The following TLDC2 variants were observed in gnomAD, a reference collection of about 807,000 sequenced individuals.
TLDC2 encodes TLD domain-containing protein 2.
A neutral mutation model predicts 27.9 loss-of-function variants in TLDC2; 23 were observed. That is an observed-to-expected ratio of 0.82 (90% CI 0.59 to 1.17). The LOEUF is 1.17. TLDC2 is among the 50% of genes most tolerant of loss of function. The pLI is 0.00. For missense variants in TLDC2, 286 were observed against 273.4 expected, an observed-to-expected ratio of 1.05 and a Z score of -0.32; for synonymous variants, 124 against 107.4, an observed-to-expected ratio of 1.16 and a Z score of -0.96.
chr20:36,880,777 G>T lies in TLDC2; in HGVS notation c.438+27G>T, dbSNP rs771659359. On this transcript the variant is annotated intron_variant, in intron 4 of 6. Transcript: ENST00000217320. ...TGATGTTCCCAACCTTCCATGGGGGGAGTGGGGCGTGTGGCGAGACAAAGC... is the reference window on the plus strand; with the variant it reads ...TGATGTTCCCAACCTTCCATGGGGGTAGTGGGGCGTGTGGCGAGACAAAGC... 3.7e-6 allele frequency: 6 copies of T among 1,606,624 alleles called. No individual in the cohort carries two copies. In the East Asian group the frequency reaches 1.3e-4, roughly 36 times the overall value.
chr20:36,883,206 G>A (rs1049104430), intron 4 of TLDC2, among the ~76,000 whole-genome samples: 6 of 151,056 alleles, frequency 4.0e-5, no homozygotes, highest in Admixed American at 6.6e-5. Flanking sequence ...GCGCCATCTC[G>A]GCTCACCACA....
At chr20:36,886,332 G>A (rs190855183) in intron 4 of TLDC2, among the ~76,000 whole-genome samples, 109 of 152,196 alleles carry the variant, frequency 7.2e-4, no homozygotes, top group East Asian at 3.5e-3. Flanking sequence ...GCAGTGGCTC[G>A]AGCCTGTAAT....
intron 6 of TLDC2, 98 bp downstream of exon 6, chr20:36,889,501 A>C (rs1990008227): frequency 7.1e-7 from 1 of 1,413,016 alleles, no homozygotes; most frequent in Non-Finnish European, 9.4e-7. Flanking sequence ...GAGTTGGCCG[A>C]GGCTGCTGGC....
intron 4 of TLDC2, among the ~76,000 whole-genome samples, chr20:36,881,527 C>A (rs957323169): frequency 1.3e-5 from 2 of 152,196 alleles, no homozygotes; most frequent in African/African-American, 2.4e-5. Flanking sequence ...GTGTGAGTGG[C>A]GGCTTGGGTT....
At chr20:36,888,411 G>GA (rs1177873485) in intron 5 of TLDC2, among the ~76,000 whole-genome samples, 1 of 151,576 alleles carries the variant, frequency 6.6e-6, no homozygotes, top group African/African-American at 2.4e-5. Flanking sequence ...TTTGTATTAA[G>GA]AATTGCTATC....
At chr20:36,888,254 CAG>C (rs1247144515) in intron 5 of TLDC2, among the ~76,000 whole-genome samples, 50 of 151,798 alleles carry the variant, frequency 3.3e-4, no homozygotes, top group Middle Eastern at 3.4e-3. Flanking sequence ...TTTTTTGAGA[CAG>C]AGTCTCGCTC....
intron 5 of TLDC2, 78 bp from the exon 6 acceptor site, chr20:36,889,173 G>C: frequency 2.5e-6 from 4 of 1,570,082 alleles, no homozygotes; most frequent in Admixed American, 1.8e-5. Flanking sequence ...GCATGGCCAA[G>C]AGCTGATGCT....
chr20:36,878,204 G>A (rs971787065), intron 2 of TLDC2, 150 bp downstream of exon 2: 20 of 863,282 alleles, frequency 2.3e-5, no homozygotes, highest in South Asian at 5.6e-5. Flanking sequence ...TTCTTCTCTC[G>A]GGGCTTTGCT....
Position 36,886,254 on chromosome 20 carries a change from A to G in TLDC2, c.439-1201A>G, listed in dbSNP as rs552840794. Among the ~76,000 whole-genome samples, 492 of 152,238 alleles carry G rather than the reference A, an allele frequency of 3.2e-3. 5 individuals carry two copies. The highest frequency in any genetic ancestry group is 0.011 in the African/African-American group (468 of 41,552). On this transcript the variant is annotated intron_variant, in intron 4 of 6. Transcript: ENST00000217320. Reference sequence around the variant, plus strand: ...GTGATCCTTCCACCTTAGCCTCCCCAGTAGCTGGGACTATAGGTGCACACC... The same window carrying G: ...GTGATCCTTCCACCTTAGCCTCCCCGGTAGCTGGGACTATAGGTGCACACC...
intron 4 of TLDC2, 44 bp from the exon 5 acceptor site, chr20:36,887,411 C>T (rs763129782): frequency 1.9e-6 from 3 of 1,564,662 alleles, no homozygotes; most frequent in Non-Finnish European, 8.8e-7. Context: ...AAGGGCGGGA[C>T]TCGCTCGCTT....
chr20:36,876,957 C>A (rs1246831007), intron 1 of TLDC2, among the ~76,000 whole-genome samples: 2 of 152,204 alleles, frequency 1.3e-5, no homozygotes, highest in African/African-American at 4.8e-5. Context: ...AGCCAACACA[C>A]AATTCGCACA....
At chr20:36,888,742 C>G (rs1167447590) in intron 5 of TLDC2, among the ~76,000 whole-genome samples, 1 of 141,560 alleles carries the variant, frequency 7.1e-6, no homozygotes, top group Non-Finnish European at 1.5e-5. Context: ...CCATCTTGAC[C>G]AGGCGCAGTG....
intron 6 of TLDC2, chr20:36,890,396 C>CTCTTACTTTCTTTCTCTTTCTT (rs1555830158): frequency 7.7e-5 from 11 of 142,550 alleles, no homozygotes; most frequent in African/African-American, 2.6e-4. Context: ...ATATTTCTTT[C>CTCTTACTTTCTTTCTCTTTCTT]TCTTTCTTTC....
rs1568747672 is a variant in TLDC2 at position 36,879,084 on chromosome 20, G to A, written c.233G>A (p.Ser78Asn). The A allele has an allele frequency of 6.2e-7, 1 of 1,614,192 alleles. No individual in the cohort carries two copies. Among genetic ancestry groups the A allele is most frequent in the Non-Finnish European group, 8.5e-7 (1 of 1,180,022 alleles). Reference sequence around the variant, plus strand: ...CCAAGAGTCACCGGCCATCCCTGGAGTCTGGTCTTCTGCACGTCAAGGGAC... The same window carrying A: ...CCAAGAGTCACCGGCCATCCCTGGAATCTGGTCTTCTGCACGTCAAGGGAC... ...FPPRVTGHPW[S>N]LVFCTSRDGF... Residue 78 changes from serine to asparagine, a missense_variant, in exon 3 of 7, where the codon AGT (serine) becomes AAT (asparagine). Physicochemically the swap from Ser to Asn is conservative, Grantham distance 46 (BLOSUM62 1). Coordinates refer to ENST00000217320, the MANE Select transcript of TLDC2 (RefSeq NM_080628.3).
intron 6 of TLDC2, chr20:36,889,988 A>G (rs1009140518): frequency 6.6e-6 from 1 of 152,202 alleles, no homozygotes; most frequent in Non-Finnish European, 1.5e-5. Flanking sequence ...AACTTACAGA[A>G]TATTGTCAAA....
At chr20:36,888,429 G>C (rs774509203) in intron 5 of TLDC2, among the ~76,000 whole-genome samples, 21 of 151,874 alleles carry the variant, frequency 1.4e-4, no homozygotes, top group Non-Finnish European at 2.9e-4. Context: ...ATCTTGGACC[G>C]AGCGTGGTGG....
Position 36,893,146 on chromosome 20 carries a change from G to GCGCAT in TLDC2, c.*306_*307insTCGCA. On this transcript the variant is annotated 3_prime_UTR_variant, in exon 7 of 7. Transcript: ENST00000217320. ...TTATTTCTGAGTGAAAGTCTCAAGT[G>GCGCAT]CGCACATCCTCATCTTGCATATAGA... is the stretch of plus-strand genomic sequence containing the variant. The GCGCAT allele has an allele frequency of 2.0e-6, 3 of 1,536,542 alleles. No individual in the cohort carries two copies. The highest frequency in any genetic ancestry group is 2.2e-5 in the South Asian group (2 of 89,336).
chr20:36,880,429 T>C (rs1187462455), intron 3 of TLDC2, among the ~76,000 whole-genome samples: 2 of 152,000 alleles, frequency 1.3e-5, no homozygotes, highest in East Asian at 3.9e-4. Context: ...AGGAGGGCCC[T>C]GACGGCCCAG....
chr20:36,879,265 G>C, intron 3 of TLDC2, 72 bp downstream of exon 3: 1 of 1,526,566 alleles, frequency 6.6e-7, no homozygotes, highest in Non-Finnish European at 8.8e-7. Flanking sequence ...CTGTCCCAGG[G>C]CAGCTCAGGG....
Sources: allele counts gnomAD v4.1 joint callset (sites outside exome capture counted in the v4.1 genomes callset), GRCh38; gene constraint gnomAD v4.1.1; transcripts MANE v1.5; gene names NCBI Gene and HGNC (gene_info 2026-07-23, HGNC 2026-07-21).